Variants in DTWD2 observed in about 807,000 individuals in gnomAD.
The protein encoded by DTWD2 is tRNA-uridine aminocarboxypropyltransferase 2.
A neutral mutation model predicts 31.8 loss-of-function variants in DTWD2; 39 were observed. The observed-to-expected ratio is 1.22, with a 90% confidence interval of 0.95 to 1.60. The LOEUF is 1.60. Ranked by LOEUF, DTWD2 falls within the 40% of genes most tolerant of loss-of-function variation. DTWD2 has a pLI of 0.00. For synonymous variants in DTWD2, 180 were observed against 142.8 expected (o/e 1.26, Z -1.86); for missense variants, 515 against 381.5 (o/e 1.35, Z -2.92).
intron 5 of DTWD2, among the ~76,000 whole-genome samples, chr5:118,841,637 G>A (rs565349167): frequency 4.6e-5 from 7 of 152,250 alleles, no homozygotes; most frequent in East Asian, 1.9e-4. Context: ...TATCTGAACT[G>A]TCTAAATTCA....
intron 4 of DTWD2, among the ~76,000 whole-genome samples, chr5:118,869,635 T>C (rs1752458470): frequency 6.6e-6 from 1 of 152,158 alleles, no homozygotes; most frequent in Non-Finnish European, 1.5e-5. Context: ...GTCAGTGAGA[T>C]CTCTTTCCAC....
At chr5:118,853,215 C>G (rs747603723) in intron 4 of DTWD2, among the ~76,000 whole-genome samples, 6 of 152,228 alleles carry the variant, frequency 3.9e-5, no homozygotes, top group Non-Finnish European at 5.9e-5. Flanking sequence ...ATCTAAAATA[C>G]AAGTTGAAAT....
intron 4 of DTWD2, among the ~76,000 whole-genome samples, chr5:118,870,388 T>A (rs1752476189): frequency 6.6e-6 from 1 of 152,200 alleles, no homozygotes; most frequent in African/African-American, 2.4e-5. Flanking sequence ...GGTTGGTTAT[T>A]TCTTTGTATA....
chr5:118,977,485 A>G (rs1366889408), intron 1 of DTWD2, among the ~76,000 whole-genome samples: 1 of 152,244 alleles, frequency 6.6e-6, no homozygotes, highest in Admixed American at 6.5e-5. Flanking sequence ...CAACTTCAGC[A>G]AAGTCTCAGG....
chr5:118,866,423 C>T (rs190658900), intron 4 of DTWD2, among the ~76,000 whole-genome samples: 2 of 152,210 alleles, frequency 1.3e-5, no homozygotes, highest in South Asian at 2.1e-4. Context: ...CTCATAATAA[C>T]ACTGATGCAA....
chr5:118,979,099 T>C (rs1409017557), intron 1 of DTWD2, among the ~76,000 whole-genome samples: 1 of 151,938 alleles, frequency 6.6e-6, no homozygotes, highest in Non-Finnish European at 1.5e-5. Context: ...GATCAGGAGA[T>C]CAAGACCATC....
chr5:118,883,032 A>G (rs1194637315), intron 4 of DTWD2, among the ~76,000 whole-genome samples: 1 of 152,256 alleles, frequency 6.6e-6, no homozygotes, highest in Non-Finnish European at 1.5e-5. Flanking sequence ...TTTAAACATA[A>G]GTTAACAAAA....
chr5:118,868,802 A>G (rs1223239357), intron 4 of DTWD2, among the ~76,000 whole-genome samples: 1 of 148,544 alleles, frequency 6.7e-6, no homozygotes, highest in African/African-American at 2.5e-5. Flanking sequence ...TTGCCACTGC[A>G]TTCCAGCCTG....
At chr5:118,942,030 G>GT (rs1356233700) in intron 2 of DTWD2, among the ~76,000 whole-genome samples, 2 of 152,158 alleles carry the variant, frequency 1.3e-5, no homozygotes, top group African/African-American at 2.4e-5. Flanking sequence ...GGGGTTCTTT[G>GT]TTTTTTTCTT....
At chr5:118,975,671 C>T (rs1755137635) in intron 1 of DTWD2, among the ~76,000 whole-genome samples, 1 of 152,136 alleles carries the variant, frequency 6.6e-6, no homozygotes, top group Admixed American at 6.6e-5. Context: ...GATTTATCTA[C>T]CTTTGGTCTT....
chr5:118,859,142 G>T (rs900219157), intron 4 of DTWD2, among the ~76,000 whole-genome samples: 11 of 151,706 alleles, frequency 7.3e-5, no homozygotes, highest in African/African-American at 2.7e-4. Context: ...TTTCAGCGGA[G>T]GATTGCATGA....
chr5:118,924,612 G>A (rs770401356), intron 4 of DTWD2, among the ~76,000 whole-genome samples: 35 of 152,094 alleles, frequency 2.3e-4, no homozygotes, highest in Non-Finnish European at 4.0e-4. Context: ...CTAAAAATGT[G>A]AACAGGCAAT....
chr5:118,872,991 C>A (rs73236956), intron 4 of DTWD2, among the ~76,000 whole-genome samples: 1 of 152,066 alleles, frequency 6.6e-6, no homozygotes, highest in East Asian at 1.9e-4. Context: ...GACAGGAACA[C>A]TGAAAACACT....
chr5:118,872,773 C>T (rs111489210), intron 4 of DTWD2, among the ~76,000 whole-genome samples: 255 of 152,254 alleles, frequency 1.7e-3, no homozygotes, highest in Admixed American at 3.9e-3. Context: ...GTTGGAAAAA[C>T]GGTGCTGACA....
intron 1 of DTWD2, among the ~76,000 whole-genome samples, chr5:118,952,696 G>C (rs1344963643): frequency 6.6e-6 from 1 of 152,128 alleles, no homozygotes; most frequent in Non-Finnish European, 1.5e-5. Context: ...CTATTTAAAA[G>C]TTGGTTGTCT....
intron 4 of DTWD2, among the ~76,000 whole-genome samples, chr5:118,882,723 T>C (rs1039040597): frequency 6.6e-6 from 1 of 152,232 alleles, no homozygotes; most frequent in East Asian, 1.9e-4. Flanking sequence ...TACCTTAGCC[T>C]ACCCTTTAGC....
intron 1 of DTWD2, among the ~76,000 whole-genome samples, chr5:118,962,480 C>T (rs764571577): frequency 4.6e-5 from 7 of 151,794 alleles, no homozygotes; most frequent in South Asian, 2.1e-4. Context: ...GGTGACCTGC[C>T]GCATTAACAC....
intron 4 of DTWD2, among the ~76,000 whole-genome samples, chr5:118,862,985 C>T (rs753471489): frequency 3.9e-5 from 6 of 152,128 alleles, no homozygotes; most frequent in Non-Finnish European, 8.8e-5. Flanking sequence ...ATGTGAAAAG[C>T]TGATCCAGAG....
intron 1 of DTWD2, among the ~76,000 whole-genome samples, chr5:118,970,396 C>G (rs904511436): frequency 6.6e-6 from 1 of 152,076 alleles, no homozygotes; most frequent in African/African-American, 2.4e-5. Flanking sequence ...CACGGCACTC[C>G]AGCCTGCTAA....
Sources: allele counts gnomAD v4.1 joint callset (sites outside exome capture counted in the v4.1 genomes callset), GRCh38; gene constraint gnomAD v4.1.1; transcripts MANE v1.5; gene names NCBI Gene and HGNC (gene_info 2026-07-23, HGNC 2026-07-21).